The following XRCC5 variants were observed in gnomAD, a reference collection of about 807,000 sequenced individuals.
XRCC5 encodes DNA repair protein Ku80.
Under a neutral mutation model 95.7 loss-of-function variants are expected in XRCC5, and 12 were observed. The observed-to-expected ratio is 0.13, with a 90% confidence interval of 0.08 to 0.20. The LOEUF is 0.20. Ranked by LOEUF, XRCC5 falls within the 10% of genes least tolerant of loss-of-function variation. XRCC5 has a pLI of 1.00. For synonymous variants in XRCC5, 281 were observed against 290.3 expected (o/e 0.97, Z 0.33); for missense variants, 595 against 873.9 (o/e 0.68, Z 4.02).
At chr2:216,180,836 G>A (rs190410290) in intron 16 of XRCC5, among the ~76,000 whole-genome samples, 113 of 150,070 alleles carry the variant, frequency 7.5e-4, no homozygotes, top group Middle Eastern at 6.8e-3. Context: ...TTCCGAGATG[G>A]AGTTTCGCTG....
chr2:216,166,003 A>G (rs115080880), intron 16 of XRCC5, among the ~76,000 whole-genome samples: 1 of 152,284 alleles, frequency 6.6e-6, no homozygotes, highest in Non-Finnish European at 1.5e-5. Context: ...GAGATAACCA[A>G]TGCCCTGAAC....
At chr2:216,166,870 G>A (rs555835535) in intron 16 of XRCC5, among the ~76,000 whole-genome samples, 1 of 152,200 alleles carries the variant, frequency 6.6e-6, no homozygotes, top group East Asian at 1.9e-4. Flanking sequence ...TCAAAAACAG[G>A]TTTTGTGAGG....
intron 12 of XRCC5, among the ~76,000 whole-genome samples, chr2:216,139,733 C>T (rs1056718810): frequency 6.6e-6 from 1 of 152,146 alleles, no homozygotes; most frequent in Admixed American, 6.5e-5. Flanking sequence ...GTCTTAAACT[C>T]CTGGGTTCAA....
At chr2:216,149,326 C>T (rs1424111669) in intron 14 of XRCC5, among the ~76,000 whole-genome samples, 3 of 152,018 alleles carry the variant, frequency 2.0e-5, no homozygotes, top group Admixed American at 6.6e-5. Flanking sequence ...TTGGTTCCGC[C>T]GCACCAACTG....
intron 6 of XRCC5, 39 bp from the exon 7 acceptor site, chr2:216,125,877 TA>T: frequency 6.6e-7 from 1 of 1,516,024 alleles, no homozygotes; most frequent in Non-Finnish European, 9.2e-7. Context: ...AGTTAACATT[TA>T]AAAATTGTTG....
intron 3 of XRCC5, 176 bp downstream of exon 3, chr2:216,117,018 A>G (rs929786992): frequency 3.0e-5 from 20 of 675,970 alleles, no homozygotes; most frequent in Non-Finnish European, 4.2e-5. Flanking sequence ...AGTTTAAAAC[A>G]GTGCCTGGGC....
chr2:216,193,468 G>T, intron 18 of XRCC5, among the ~76,000 whole-genome samples: 1 of 152,216 alleles, frequency 6.6e-6, no homozygotes, highest in African/African-American at 2.4e-5. Context: ...CTTTCTGTGT[G>T]AATTCTATAT....
At chr2:216,136,855 T>G (rs1574460900) in intron 10 of XRCC5, among the ~76,000 whole-genome samples, 1 of 152,268 alleles carries the variant, frequency 6.6e-6, no homozygotes, top group African/African-American at 2.4e-5. Flanking sequence ...AAGATAAAAA[T>G]TTAGAGAAGG....
chr2:216,175,206 A>G (rs1429151412), intron 16 of XRCC5: 4 of 372,088 alleles, frequency 1.1e-5, no homozygotes, highest in African/African-American at 6.4e-5. Context: ...GCCCACCACC[A>G]TTGTTGCCCA....
At position 216,204,336 on chromosome 2, in the gene XRCC5, A is replaced by G. The variant is rs547151758; in HGVS notation, c.2124A>G (p.Lys708=). 2 of 1,613,978 alleles carry G rather than the reference A, an allele frequency of 1.2e-6. No individual in the cohort carries two copies. Among genetic ancestry groups the G allele is most frequent in the African/African-American group, 1.3e-5 (1 of 75,032 alleles). The change falls in exon 20 of 21, where the codon AAA becomes AAG. Residue 708 remains lysine, a synonymous_variant. Transcript: ENST00000392132. ...AEEAKKFLAP[K]DKPSGDTAAV... ...TCTATTTACAGTTTCTGGCCCCCAA[A>G]GACAAACCAAGTGGAGACACAGCAG...
At chr2:216,125,675 A>G (rs572779569) in intron 6 of XRCC5, among the ~76,000 whole-genome samples, 9 of 152,138 alleles carry the variant, frequency 5.9e-5, no homozygotes, top group Non-Finnish European at 1.3e-4. Flanking sequence ...TAAGAGGAAA[A>G]TAGAGCTGTT....
Position 216,205,415 on chromosome 2 carries a change from G to T in XRCC5, c.*213G>T. 1.8e-6 allele frequency: 1 copy of T among 559,344 alleles called. No individual in the cohort carries two copies. Among genetic ancestry groups the T allele is most frequent in the Non-Finnish European group, 3.2e-6 (1 of 314,694 alleles). 34.6% of individuals were successfully genotyped at this position (559,344 alleles called of 1,614,324 possible). A position where few individuals can be genotyped will look rare whatever the true frequency, so the allele number is the denominator to read the frequency against. On this transcript the variant is annotated 3_prime_UTR_variant, in exon 21 of 21. Transcript: ENST00000392132. ...TAGACCCCATACAAGTTTATAAAGAGTCATTGTTATTTTCTGGTTGGTGTA... is the reference window on the plus strand; with the variant it reads ...TAGACCCCATACAAGTTTATAAAGATTCATTGTTATTTTCTGGTTGGTGTA...
chr2:216,174,837 T>C (rs1245056672), intron 16 of XRCC5: 1 of 228,972 alleles, frequency 4.4e-6, no homozygotes, highest in Non-Finnish European at 8.8e-6. Flanking sequence ...CCTGCAACTT[T>C]TGTGACAACT....
At position 216,116,640 on chromosome 2, in the gene XRCC5, A is replaced by G. The variant is rs182338197; in HGVS notation, c.136-19A>G. ...GATTGTTCTAATATGGTTTTCAGCCATCTGACATTTTTTTCTAGGTGTTTG... is the reference window on the plus strand; with the variant it reads ...GATTGTTCTAATATGGTTTTCAGCCGTCTGACATTTTTTTCTAGGTGTTTG... On this transcript the variant is annotated intron_variant, in intron 2 of 20. Coordinates refer to ENST00000392132, the MANE Select transcript of XRCC5 (RefSeq NM_021141.4). The G allele has an allele frequency of 1.2e-4, 195 of 1,613,996 alleles. 1 individual carries two copies. Among genetic ancestry groups the G allele is most frequent in the Admixed American group, 1.2e-3 (72 of 59,986 alleles).
intron 14 of XRCC5, 94 bp from the exon 15 acceptor site, chr2:216,159,974 C>CTTTTTTTT: frequency 2.1e-6 from 1 of 481,850 alleles, no homozygotes; most frequent in Non-Finnish European, 3.4e-6. Flanking sequence ...CTTCTTTTTT[C>CTTTTTTTT]TTTTTTTTTT....
intron 13 of XRCC5, among the ~76,000 whole-genome samples, chr2:216,143,785 G>T (rs1697208535): frequency 6.7e-6 from 1 of 148,768 alleles, no homozygotes; most frequent in Non-Finnish European, 1.5e-5. Context: ...TTGGCTCACT[G>T]TGAGCTCTGT....
intron 19 of XRCC5, 43 bp from the exon 20 acceptor site, chr2:216,204,279 C>CA: frequency 6.2e-7 from 1 of 1,611,244 alleles, no homozygotes; most frequent in East Asian, 2.2e-5. Flanking sequence ...TTCAAAGGGG[C>CA]AAAAATATCA....
intron 14 of XRCC5, among the ~76,000 whole-genome samples, chr2:216,152,990 C>T (rs1688773291): frequency 6.6e-6 from 1 of 152,150 alleles, no homozygotes; most frequent in East Asian, 1.9e-4. Context: ...TTTCATTTAA[C>T]ACAAAATAGT....
At position 216,185,224 on chromosome 2, in the gene XRCC5, C is replaced by T. The variant is rs1383562576; in HGVS notation, c.1835-5001C>T. Among the ~76,000 whole-genome samples the T allele has an allele frequency of 3.3e-5, 5 of 152,298 alleles. No homozygotes were observed. In the South Asian group the frequency reaches 1.0e-3, roughly 32 times the overall value. On this transcript the variant is annotated intron_variant, in intron 16 of 20. Coordinates refer to ENST00000392132, the MANE Select transcript of XRCC5 (RefSeq NM_021141.4). ...AGTTGGCTTTAACACACTTCGTAACCTGCAAAACAATTTCCTGTCTTAAGT... is the reference window on the plus strand; with the variant it reads ...AGTTGGCTTTAACACACTTCGTAACTTGCAAAACAATTTCCTGTCTTAAGT...
Sources: allele counts gnomAD v4.1 joint callset (sites outside exome capture counted in the v4.1 genomes callset), GRCh38; gene constraint gnomAD v4.1.1; transcripts MANE v1.5; gene names NCBI Gene and HGNC (gene_info 2026-07-23, HGNC 2026-07-21).